CCDC33: variants seen among roughly 807,000 people sequenced by gnomAD.
The protein encoded by CCDC33 is coiled-coil domain-containing protein 33.
A neutral mutation model predicts 91.9 loss-of-function variants in CCDC33; 94 were observed. The ratio of observed to expected loss-of-function variants is 1.02; its 90% confidence interval spans 0.87 to 1.21. CCDC33 has a LOEUF of 1.21. Among genes scored for constraint, CCDC33 ranks in the 50% most tolerant of loss-of-function variants. The pLI is 0.00. For missense variants in CCDC33, 940 were observed against 935.5 expected (o/e 1.00, Z -0.06); for synonymous variants, 396 against 374.5 (o/e 1.06, Z -0.66).
Position 74,244,657 on chromosome 15 carries a change from C to T in CCDC33, c.185+509C>T, listed in dbSNP as rs2075461356. 6.6e-6 allele frequency among the ~76,000 whole-genome samples: 1 copy of T among 152,144 alleles called. No individual in the cohort carries two copies. The highest frequency in any genetic ancestry group is 6.5e-5 in the Admixed American group (1 of 15,278). Reference sequence around the variant, plus strand: ...GCCTTTAATGCACCCCACACACCCCCTCCAGCCAGCTGCTGTCAGGGTACA... The same window carrying T: ...GCCTTTAATGCACCCCACACACCCCTTCCAGCCAGCTGCTGTCAGGGTACA... On this transcript the variant is annotated intron_variant, in intron 2 of 18. Transcript: ENST00000398814. This position sits in a 1 kb window ranked among gnomAD's most constrained non-coding sequence, Gnocchi z 4.2.
At chr15:74,223,167 G>A (rs2074663434) in intron 2 of CCDC33, among the ~76,000 whole-genome samples, 1 of 152,068 alleles carries the variant, frequency 6.6e-6, no homozygotes, top group South Asian at 2.1e-4. Flanking sequence ...TGGACCCTTG[G>A]GTTAGCTGGT....
At chr15:74,217,204 C>G in exon 1 of CCDC33, 1 of 1,144,204 alleles carries the variant, frequency 8.7e-7, no homozygotes, top group Non-Finnish European at 1.1e-6. Context: ...GGCTTTCAGA[C>G]TGGGTCCAGG....
At chr15:74,214,837 G>T (rs566963291), upstream of CCDC33, among the ~76,000 whole-genome samples, 4 of 152,186 alleles carry the variant, frequency 2.6e-5, no homozygotes, top group African/African-American at 9.7e-5. Flanking sequence ...ATAGCCAAAA[G>T]AACTCTTATT....
intron 1 of CCDC33, chr15:74,208,857 G>C: frequency 2.0e-6 from 2 of 988,470 alleles, no homozygotes; most frequent in Non-Finnish European, 2.4e-6. Flanking sequence ...TTCCTTTATT[G>C]ATCTCTCCCG....
chr15:74,242,787 A>AC (rs2075389111), intron 1 of CCDC33, among the ~76,000 whole-genome samples: 2 of 151,366 alleles, frequency 1.3e-5, no homozygotes, highest in South Asian at 4.2e-4. Flanking sequence ...ACCCCTCCCC[A>AC]CCCCACCGCG....
chr15:74,273,906 C>G (rs144123867), intron 7 of CCDC33, among the ~76,000 whole-genome samples: 1,871 of 147,412 alleles, frequency 0.013, 32 homozygotes, highest in African/African-American at 0.044. Context: ...TCTTGGCTCA[C>G]TAGCAACCTC....
At chr15:74,328,970 C>A (rs2060369095) in intron 11 of CCDC33, among the ~76,000 whole-genome samples, 1 of 152,214 alleles carries the variant, frequency 6.6e-6, no homozygotes. Flanking sequence ...CAGCTCCCAC[C>A]TGCTGTTCCT....
At chr15:74,320,664 C>T (rs1008260242) in intron 11 of CCDC33, among the ~76,000 whole-genome samples, 1 of 152,148 alleles carries the variant, frequency 6.6e-6, no homozygotes, top group African/African-American at 2.4e-5. Context: ...AGTGCCATTG[C>T]CTCCTCCAGG....
At chr15:74,257,709 A>C (rs11635191) in intron 2 of CCDC33, among the ~76,000 whole-genome samples, 94,020 of 152,198 alleles carry the variant, frequency 0.62, 32,079 homozygotes, top group Non-Finnish European at 0.79. Context: ...AAGATCCTCC[A>C]ATCTATCTGT....
In CCDC33 at chr15:74,218,147, C is replaced by T. The variant is rs989075202; in HGVS notation, c.311-350C>T. On this transcript the variant is annotated intron_variant, in intron 1 of 2. Transcript: ENST00000635913. The surrounding 1 kb of genome is among the most constrained non-coding windows in gnomAD (Gnocchi z 4.8). ...CTGGAGGAGGAGGGATGTGAGGGAA[C>T]AGGGAAACCAAGTCCCAGACTTTAA... Among the ~76,000 whole-genome samples the T allele has an allele frequency of 6.6e-6, 1 of 152,196 alleles. No homozygotes were observed.
At chr15:74,288,898 G>A (rs984416381) in intron 10 of CCDC33, among the ~76,000 whole-genome samples, 2 of 152,168 alleles carry the variant, frequency 1.3e-5, no homozygotes, top group African/African-American at 4.8e-5. Context: ...CATAAAAGGG[G>A]ATTGTAATCC....
rs571764760 is a variant in CCDC33, at chr15:74,312,398, C to A, written c.1290+16450C>A. 2.0e-5 allele frequency among the ~76,000 whole-genome samples: 3 copies of A among 152,250 alleles called. No individual in the cohort carries two copies. In the South Asian group the frequency reaches 6.2e-4, roughly 32 times the overall value. ...CCTAGAGGTGTGAAGGGTAATGAGG[C>A]CCCGTAATTAAGGTTTCTGAAGACA... On this transcript the variant is annotated intron_variant, in intron 11 of 18. Coordinates refer to ENST00000398814, the MANE Select transcript of CCDC33 (RefSeq NM_025055.5).
At chr15:74,312,290 C>T (rs2060007054) in intron 11 of CCDC33, among the ~76,000 whole-genome samples, 1 of 152,224 alleles carries the variant, frequency 6.6e-6, no homozygotes, top group Admixed American at 6.5e-5. Context: ...CCGCTAGGCA[C>T]ATCTTCCTGA....
At chr15:74,321,240 T>C (rs1226139970) in intron 11 of CCDC33, among the ~76,000 whole-genome samples, 1 of 152,146 alleles carries the variant, frequency 6.6e-6, no homozygotes, top group African/African-American at 2.4e-5. Context: ...TATTTTATTT[T>C]ATCTTATTTT....
Position 74,255,693 on chromosome 15 carries a change from G to A in CCDC33, c.186-6747G>A, listed in dbSNP as rs561380232. Among the ~76,000 whole-genome samples, 5 of 152,376 alleles carry A rather than the reference G, an allele frequency of 3.3e-5. No homozygotes were observed. The South Asian group carries it at 1.0e-3, about 32-fold the overall frequency. The stretch of plus-strand genomic sequence containing the variant: ...GATCCCTCCACAGCACCCTGGAATG[G>A]GACAGAGAGACCAGGGGCCAGGCTG... On this transcript the variant is annotated intron_variant, in intron 2 of 18. Coordinates refer to ENST00000398814, the MANE Select transcript of CCDC33 (RefSeq NM_025055.5).
At chr15:74,255,227 C>T (rs778512778) in intron 2 of CCDC33, among the ~76,000 whole-genome samples, 123 of 152,154 alleles carry the variant, frequency 8.1e-4, no homozygotes, top group Admixed American at 2.0e-3. Context: ...CCCTCCTTCT[C>T]GAAACCTGTG....
intron 2 of CCDC33, among the ~76,000 whole-genome samples, chr15:74,211,069 A>T (rs1204324408): frequency 6.6e-6 from 1 of 152,158 alleles, no homozygotes; most frequent in Non-Finnish European, 1.5e-5. Context: ...TTAAGCCCAG[A>T]GAGGCCACAT....
intron 16 of CCDC33, chr15:74,333,284 C>T (rs1211831098): frequency 7.5e-6 from 12 of 1,600,000 alleles, no homozygotes; most frequent in Non-Finnish European, 1.0e-5. Flanking sequence ...GACGCATGGC[C>T]CAGGCCACTC....
intron 15 of CCDC33, among the ~76,000 whole-genome samples, 179 bp from the exon 16 acceptor site, chr15:74,332,500 C>G (rs1485790458): frequency 6.6e-6 from 1 of 152,174 alleles, no homozygotes; most frequent in East Asian, 1.9e-4. Context: ...AGGTCAGGTT[C>G]TAAAGAGCCT....
Sources: gnomAD v4.1 joint callset for allele counts (sites outside exome capture counted in the v4.1 genomes callset) on GRCh38, gnomAD v4.1.1 for gene constraint, Gnocchi (gnomAD v3.1) non-coding constraint, MANE v1.5 for transcripts, NCBI Gene and HGNC (gene_info 2026-07-23, HGNC 2026-07-21) for gene names.